FAT2: variants seen among roughly 807,000 people sequenced by gnomAD.
The protein encoded by FAT2 is protocadherin Fat 2.
In FAT2, 150 loss-of-function variants were observed where a neutral mutation model predicts 295.3. The ratio of observed to expected loss-of-function variants is 0.51; its 90% CI spans 0.44 to 0.58. The LOEUF (loss-of-function observed/expected upper bound fraction) is 0.58, where lower values mean the gene tolerates loss of function less well. FAT2 is among the 20% of genes least tolerant of loss of function. The pLI is 0.00. For synonymous variants in FAT2, 2,026 were observed against 2,150.3 expected, an observed-to-expected ratio of 0.94 and a Z score of 1.60; for missense variants, 4,868 against 5,442.7, an observed-to-expected ratio of 0.89 and a Z score of 3.32.
At chr5:151,549,272 G>C (rs1438117964) in intron 9 of FAT2, 23 bp downstream of exon 9, 1 of 1,608,858 alleles carries the variant, frequency 6.2e-7, no homozygotes, top group South Asian at 1.1e-5. Flanking sequence ...CCCATCCTCT[G>C]AGCTCATGGC....
intron 13 of FAT2, 96 bp from the exon 14 acceptor site, chr5:151,532,066 G>A (rs2127592296): frequency 1.9e-5 from 28 of 1,499,434 alleles, no homozygotes; most frequent in Non-Finnish European, 2.5e-5. Context: ...CTGGGGAGGG[G>A]CTCCCATGAA....
chr5:151,576,213 G>A (rs969786034), intron 1 of FAT2, among the ~76,000 whole-genome samples: 5 of 152,312 alleles, frequency 3.3e-5, no homozygotes, highest in African/African-American at 1.2e-4. Context: ...CGTATACTTA[G>A]CAGTATGGTA....
chr5:151,544,387 T>A lies in FAT2; in HGVS notation c.6740A>T (p.Asp2247Val). The A allele has an allele frequency of 6.2e-7, 1 of 1,614,188 alleles. No individual in the cohort carries two copies. Among genetic ancestry groups the A allele is most frequent in the Non-Finnish European group, 8.5e-7 (1 of 1,180,040 alleles). The change falls in exon 10 of 24, where the codon GAT becomes GTT. Residue 2247 changes from aspartate to valine, a missense_variant. Asp to Val is a radical substitution (Grantham distance 152). This residue lies in a region of FAT2 where 3,297 missense variants were observed against 3,669.4 expected (regional missense o/e 0.90). Coordinates refer to ENST00000261800, the MANE Select transcript of FAT2 (RefSeq NM_001447.3). ...TKHVFTVRAT[D>V]TALGSFSEAT... ...TTCAGAAAATGACCCCAGAGCTGTATCCGTGGCTCTGACTGTGAACACATG... is the reference window on the plus strand; with the variant it reads ...TTCAGAAAATGACCCCAGAGCTGTAACCGTGGCTCTGACTGTGAACACATG...
Position 151,546,052 on chromosome 5 carries a change from T to C in FAT2, c.5075A>G (p.Tyr1692Cys), listed in dbSNP as rs1435007277. The C allele has an allele frequency of 5.6e-6, 9 of 1,614,134 alleles. No homozygotes were observed. Among genetic ancestry groups the C allele is most frequent in the Non-Finnish European group, 7.6e-6 (9 of 1,180,016 alleles). ...ATCCTTATTTCCCTCTCTTAACTCA[T>C]AGGTAACTTCAGAGGGGCTCATAGC... Reference protein sequence around the residue: ...VSAMSPSEVTYELREGNKDGV... With the variant: ...VSAMSPSEVTCELREGNKDGV... Residue 1692 changes from tyrosine (Y) to cysteine (C), a missense_variant, in exon 10 of 24, where the codon TAT becomes TGT. By Grantham distance (194) the Tyr-to-Cys change is radical. Transcript: ENST00000261800.
rs2127591142 is a variant in FAT2, at chr5:151,531,632, C to T, written c.9766G>A (p.Val3256Ile). 2 of 1,613,536 alleles carry T rather than the reference C, an allele frequency of 1.2e-6. No homozygotes were observed. Among genetic ancestry groups the T allele is most frequent in the Non-Finnish European group, 8.5e-7 (1 of 1,179,966 alleles). The change falls in exon 14 of 24, where the codon GTC becomes ATC. Residue 3256 changes from valine to isoleucine, a missense_variant. Val to Ile is a conservative substitution (Grantham distance 29). Transcript: ENST00000261800. The surrounding 1 kb of genome is among the most constrained non-coding windows in gnomAD (Gnocchi z 5.7). ...AACCTGCCTTGCTCGTTCCCGCTGACCACGCGGTAGCCGGTCTTCTCTGCG... is the reference window on the plus strand; with the variant it reads ...AACCTGCCTTGCTCGTTCCCGCTGATCACGCGGTAGCCGGTCTTCTCTGCG... ...PGAEKTGYRV[V>I]SGNEQGRFRL...
chr5:151,581,997 C>T (rs1758975249), intron 1 of FAT2, among the ~76,000 whole-genome samples: 2 of 152,358 alleles, frequency 1.3e-5, no homozygotes, highest in South Asian at 4.1e-4. Flanking sequence ...CTGAGTAGAA[C>T]AGCTTAGGAC....
At chr5:151,551,893 A>G (rs1017765302) in intron 6 of FAT2, among the ~76,000 whole-genome samples, 3 of 152,146 alleles carry the variant, frequency 2.0e-5, no homozygotes, top group African/African-American at 7.2e-5. Context: ...AGTATATAGA[A>G]ATATGTTTAG....
chr5:151,548,717 G>A (rs953801880), intron 9 of FAT2, among the ~76,000 whole-genome samples: 2 of 152,132 alleles, frequency 1.3e-5, no homozygotes, highest in Non-Finnish European at 2.9e-5. Context: ...CCAACCTCAG[G>A]TGATCCGCCC....
intron 3 of FAT2, among the ~76,000 whole-genome samples, chr5:151,559,299 G>C (rs1466333478): frequency 1.3e-5 from 2 of 152,164 alleles, no homozygotes; most frequent in Non-Finnish European, 1.5e-5. Flanking sequence ...GAAGGCTCCT[G>C]AGAAGCTCCA....
rs1370901847 is a variant in FAT2, at chr5:151,505,897, G to A, written c.12718C>T (p.Pro4240Ser). The A allele has an allele frequency of 1.3e-6, 2 of 1,597,834 alleles. No individual in the cohort carries two copies. The highest frequency in any genetic ancestry group is 1.7e-6 in the Non-Finnish European group (2 of 1,173,748). Residue 4240 changes from proline to serine, a missense_variant, in exon 24 of 24, where the codon CCA becomes TCA. This residue lies in a region of FAT2 where 492 missense variants were observed against 482.6 expected (regional missense o/e 1.02). Transcript: ENST00000261800. ...AGGTTCTGGTTGCTGTAACGGGGTG[G>A]GAGAGGTGCCCGCTTGTTTTCCATC... ...LEMENKRAPL[P>S]PRYSNQNLED...
chr5:151,576,292 A>G (rs373383151), intron 1 of FAT2, among the ~76,000 whole-genome samples: 22 of 152,346 alleles, frequency 1.4e-4, no homozygotes, highest in African/African-American at 5.1e-4. Context: ...TATGTCTTAG[A>G]GAAGGAAGGG....
chr5:151,545,842 GT>G lies in FAT2; in HGVS notation c.5284del (p.Thr1762LeufsTer15), dbSNP rs1429276341. On this transcript the variant is annotated frameshift_variant, in exon 10 of 24. Transcript: ENST00000261800. LOFTEE classifies it high-confidence loss of function. ...TGCTTCACTAATTTGGCCCACAAAAGTTGACTTTAAGAACATAGGAGCATTG... is the reference window on the plus strand; with the variant it reads ...TGCTTCACTAATTTGGCCCACAAAAGTGACTTTAAGAACATAGGAGCATTG... Reference protein sequence around the residue: ...NDNAPMFLKSTFVGQISEAAP... With the variant: ...NDNAPMFLKSXFVGQISEAAP... 6.2e-7 allele frequency: 1 copy of G among 1,614,212 alleles called. No homozygotes were observed. Among genetic ancestry groups the G allele is most frequent in the East Asian group, 2.2e-5 (1 of 44,882 alleles).
Position 151,525,781 on chromosome 5 carries a change from T to C in FAT2, c.10493A>G (p.Gln3498Arg), listed in dbSNP as rs753330471. The part of the protein sequence containing the change: ...GLSRRAQEWY[Q>R]LQIQASDSGI... Reference sequence around the variant, plus strand: ...CACAGCTCTCACCTGGATCTGAAGCTGATACCATTCCTGAGCCCTCCTGCT... The same window carrying C: ...CACAGCTCTCACCTGGATCTGAAGCCGATACCATTCCTGAGCCCTCCTGCT... The change falls in exon 18 of 24, where the codon CAG becomes CGG. Residue 3498 changes from glutamine (Q) to arginine (R), a missense_variant. By Grantham distance (43) the Gln-to-Arg change is conservative (BLOSUM62 1). Around this residue, in one of 5 missense-constraint regions of FAT2, gnomAD observed 1,046 missense variants for 1,210.1 expected, o/e 0.86. Transcript: ENST00000261800. 6.2e-7 allele frequency: 1 copy of C among 1,614,206 alleles called. No homozygotes were observed. The highest frequency in any genetic ancestry group is 1.7e-5 in the Admixed American group (1 of 60,016).
chr5:151,573,876 T>C (rs1758635278), intron 1 of FAT2, among the ~76,000 whole-genome samples: 1 of 152,148 alleles, frequency 6.6e-6, no homozygotes, highest in South Asian at 2.1e-4. Flanking sequence ...AACTCATTGA[T>C]AAAAGTTTGA....
chr5:151,554,733 T>TTGCCACCCACCACAGCCC, intron 4 of FAT2, 60 bp from the exon 5 acceptor site: 1 of 1,310,196 alleles, frequency 7.6e-7, no homozygotes, highest in African/African-American at 1.5e-5. Context: ...TGACTATGCT[T>TTGCCACCCACCACAGCCC]TAACAACCTG....
rs1325797321 is a variant in FAT2, at chr5:151,504,396, C to CTACA, written c.*1165_*1168dup. ...GGCTTCTGGTCCCCACCACTCCTGGCTACATACACTCTACACATGTGTACA... is the reference window on the plus strand; with the variant it reads ...GGCTTCTGGTCCCCACCACTCCTGGCTACATACATACACTCTACACATGTGTACA... On this transcript the variant is annotated 3_prime_UTR_variant, in exon 24 of 24. Coordinates refer to ENST00000261800, the MANE Select transcript of FAT2 (RefSeq NM_001447.3). 1 of 152,684 alleles carries CTACA rather than the reference C, an allele frequency of 6.5e-6. No homozygotes were observed. The highest frequency in any genetic ancestry group is 1.5e-5 in the Non-Finnish European group (1 of 68,056). 9.5% of individuals were successfully genotyped at this position (152,684 alleles called of 1,614,324 possible). A position where few individuals can be genotyped will look rare whatever the true frequency, so the allele number is the denominator to read the frequency against.
chr5:151,582,350 C>CT (rs1758992286), intron 1 of FAT2, among the ~76,000 whole-genome samples: 1 of 152,228 alleles, frequency 6.6e-6, no homozygotes, highest in African/African-American at 2.4e-5. Context: ...AACAGAGTGG[C>CT]TGGGTCTGTC....
intron 3 of FAT2, among the ~76,000 whole-genome samples, chr5:151,558,414 G>A (rs1269316747): frequency 1.3e-5 from 2 of 152,060 alleles, no homozygotes; most frequent in South Asian, 2.1e-4. Context: ...TAAGGAGTTC[G>A]AGACCAGCCT....
At chr5:151,560,268 C>A (rs946775316) in intron 3 of FAT2, among the ~76,000 whole-genome samples, 2 of 152,204 alleles carry the variant, frequency 1.3e-5, no homozygotes, top group Admixed American at 6.5e-5. Flanking sequence ...TGTATATTAA[C>A]TCATTTAATT....
Sources: allele counts gnomAD v4.1 joint callset (sites outside exome capture counted in the v4.1 genomes callset), GRCh38; gene constraint gnomAD v4.1.1; regional missense constraint gnomAD v4.1.1; non-coding constraint Gnocchi (gnomAD v3.1); transcripts MANE v1.5; gene names NCBI Gene and HGNC (gene_info 2026-07-23, HGNC 2026-07-21).